Variants in GNAI1 observed in about 807,000 individuals in gnomAD.
The protein encoded by GNAI1 is guanine nucleotide-binding protein G(i) subunit alpha-1.
Under a neutral mutation model 38.9 loss-of-function variants are expected in GNAI1, and 11 were observed. The observed-to-expected ratio is 0.28, with a 90% CI of 0.18 to 0.47. The LOEUF (loss-of-function observed/expected upper bound fraction) is 0.47, where lower values mean the gene tolerates loss of function less well. GNAI1 is among the 20% of genes least tolerant of loss of function. The pLI, the probability that GNAI1 is intolerant of heterozygous loss-of-function variation, is 0.99. For missense variants in GNAI1, 317 were observed against 436.9 expected, an observed-to-expected ratio of 0.73 and a Z score of 2.45; for synonymous variants, 166 against 145.1, an observed-to-expected ratio of 1.14 and a Z score of -1.04.
chr7:80,215,167 A>G (rs77886007), intron 7 of GNAI1, among the ~76,000 whole-genome samples: 1,981 of 152,250 alleles, frequency 0.013, 49 homozygotes, highest in African/African-American at 0.044. Flanking sequence ...AAAACAATCT[A>G]TCATATTTGC....
At chr7:80,156,042 C>CAAAAA (rs1182960135) in intron 1 of GNAI1, among the ~76,000 whole-genome samples, 39 of 68,320 alleles carry the variant, frequency 5.7e-4, no homozygotes, top group African/African-American at 1.1e-3. Flanking sequence ...GACTCTGTCT[C>CAAAAA]AAAAAAAAAA....
At chr7:80,196,430 A>G (rs140476763) in intron 3 of GNAI1, among the ~76,000 whole-genome samples, 3 of 152,008 alleles carry the variant, frequency 2.0e-5, no homozygotes, top group East Asian at 1.9e-4. Flanking sequence ...GTATCACACT[A>G]TTTTGGTACA....
intron 1 of GNAI1, among the ~76,000 whole-genome samples, chr7:80,167,343 T>C (rs914159827): frequency 3.9e-5 from 6 of 152,206 alleles, no homozygotes; most frequent in African/African-American, 7.2e-5. Context: ...AGGTTCACTT[T>C]TCTGTGCTTA....
intron 6 of GNAI1, among the ~76,000 whole-genome samples, chr7:80,211,786 A>G (rs182933133): frequency 1.3e-5 from 2 of 152,298 alleles, no homozygotes; most frequent in Admixed American, 1.3e-4. Flanking sequence ...TCAGTGTACC[A>G]TTAATATGGG....
At chr7:80,193,712 C>T (rs1788519791) in intron 3 of GNAI1, among the ~76,000 whole-genome samples, 1 of 152,068 alleles carries the variant, frequency 6.6e-6, no homozygotes, top group Admixed American at 6.6e-5. Flanking sequence ...TAAATGTAAG[C>T]ATTGGGTTTA....
In GNAI1 at chr7:80,221,951, TTAGTTCTTTTC is replaced by T. The variant is rs1186328429; in HGVS notation, c.*4459_*4469del. ...CACTGCGCCCAGCCAGTTTTCTTTT[TTAGTTCTTTTC>T]AAAACCCTTTCTTAACAGTTGAAAT... On this transcript the variant is annotated 3_prime_UTR_variant, in exon 8 of 8. Coordinates refer to ENST00000649796, the MANE Select transcript of GNAI1 (RefSeq NM_002069.6). Among the ~76,000 whole-genome samples the T allele has an allele frequency of 6.6e-6, 1 of 152,122 alleles. No individual in the cohort carries two copies. The highest frequency in any genetic ancestry group is 2.4e-5 in the African/African-American group (1 of 41,440).
chr7:80,196,931 G>T (rs921350680), intron 3 of GNAI1, among the ~76,000 whole-genome samples: 1 of 151,864 alleles, frequency 6.6e-6, no homozygotes, highest in African/African-American at 2.4e-5. Context: ...GACTAGAAGA[G>T]CAGTTAAAAC....
chr7:80,168,290 GC>G lies in GNAI1; in HGVS notation c.119-20654del, dbSNP rs531337233. Among the ~76,000 whole-genome samples the G allele has an allele frequency of 2.5e-3, 378 of 152,118 alleles. 1 individual carries two copies. Among genetic ancestry groups the G allele is most frequent in the Middle Eastern group, 0.014 (4 of 294 alleles). On this transcript the variant is annotated intron_variant, in intron 1 of 7. Transcript: ENST00000649796. ...TTACTGTGAAATGTATTAGAAACAAGCCCCCCCATGCATACAAAGGCCATAA... is the reference window on the plus strand; with the variant it reads ...TTACTGTGAAATGTATTAGAAACAAGCCCCCCATGCATACAAAGGCCATAA...
At chr7:80,217,242 A>AGTTTCATATGTATGAAACT in intron 7 of GNAI1, 61 bp from the exon 8 acceptor site, 4 of 1,077,340 alleles carry the variant, frequency 3.7e-6, no homozygotes, top group Non-Finnish European at 5.3e-6. Context: ...AACTGAATTC[A>AGTTTCATATGTATGAAACT]GTATTTTAAG....
chr7:80,136,667 C>G (rs531207055), intron 1 of GNAI1, among the ~76,000 whole-genome samples: 1 of 152,214 alleles, frequency 6.6e-6, no homozygotes, highest in East Asian at 1.9e-4. Context: ...GTATGTACTT[C>G]TCTTGTGAAT....
chr7:80,135,599 G>A lies in GNAI1; in HGVS notation c.118+321G>A, dbSNP rs949035566. ...TGGAAACCCTTTGCTTTGAAGTTTAGCTCAGCCTTGTAAAGATGAAGGGGC... is the reference window on the plus strand; with the variant it reads ...TGGAAACCCTTTGCTTTGAAGTTTAACTCAGCCTTGTAAAGATGAAGGGGC... On this transcript the variant is annotated intron_variant, in intron 1 of 7. Coordinates refer to ENST00000649796, the MANE Select transcript of GNAI1 (RefSeq NM_002069.6). 2.2e-4 allele frequency among the ~76,000 whole-genome samples: 33 copies of A among 146,828 alleles called. No individual in the cohort carries two copies. In the Admixed American group the frequency reaches 2.3e-3, roughly 10 times the overall value.
rs901729609 is a variant in GNAI1 at position 80,222,426 on chromosome 7, T to G, written c.*4933T>G. 2.0e-5 allele frequency among the ~76,000 whole-genome samples: 3 copies of G among 151,290 alleles called. No homozygotes were observed. Among genetic ancestry groups the G allele is most frequent in the Non-Finnish European group, 4.4e-5 (3 of 67,864 alleles). ...TCCTGAGACAGAGTTTCGTTCTTGT[T>G]TCCCAGGCTGGAGCGCAATGGTGCG... On this transcript the variant is annotated 3_prime_UTR_variant, in exon 8 of 8. Coordinates refer to ENST00000649796, the MANE Select transcript of GNAI1 (RefSeq NM_002069.6).
chr7:80,175,364 A>ATATG (rs1554349432), intron 1 of GNAI1, among the ~76,000 whole-genome samples: 10 of 150,372 alleles, frequency 6.7e-5, no homozygotes, highest in Admixed American at 2.0e-4. Context: ...GTGTATATTT[A>ATATG]TGTGTGTGTG....
At chr7:80,140,193 C>T (rs1166384633) in intron 1 of GNAI1, among the ~76,000 whole-genome samples, 2 of 151,946 alleles carry the variant, frequency 1.3e-5, no homozygotes, top group African/African-American at 2.4e-5. Flanking sequence ...ACCGTGTTAG[C>T]CCGAGTGGTG....
intron 7 of GNAI1, 52 bp from the exon 8 acceptor site, chr7:80,217,251 A>G (rs1400323053): frequency 8.7e-5 from 40 of 461,380 alleles, no homozygotes; most frequent in Non-Finnish European, 1.1e-4. Flanking sequence ...CAGTATTTTA[A>G]GCAGTTATTT....
intron 5 of GNAI1, among the ~76,000 whole-genome samples, chr7:80,208,124 A>G (rs940366168): frequency 6.6e-6 from 1 of 152,144 alleles, no homozygotes. Flanking sequence ...TAAGGCATAA[A>G]TCATCACTTC....
chr7:80,217,443 G>A lies in GNAI1; in HGVS notation c.1015G>A (p.Val339Ile). 1 of 1,608,240 alleles carries A rather than the reference G, an allele frequency of 6.2e-7. No homozygotes were observed. Residue 339 changes from valine (V) to isoleucine (I), a missense_variant, in exon 8 of 8, where the codon GTA becomes ATA. Physicochemically the swap from Val to Ile is conservative, Grantham distance 29 (BLOSUM62 3). Transcript: ENST00000649796. The stretch of plus-strand genomic sequence containing the variant: ...GAATGTGCAGTTTGTTTTTGATGCT[G>A]TAACAGATGTCATCATAAAAAATAA... ...TKNVQFVFDA[V>I]TDVIIKNNLK... is the part of the protein sequence containing the mutation.
intron 7 of GNAI1, among the ~76,000 whole-genome samples, chr7:80,214,142 A>G (rs1013527882): frequency 2.6e-5 from 4 of 152,186 alleles, no homozygotes; most frequent in African/African-American, 9.7e-5. Context: ...TTTGGTAAAT[A>G]TAATCATGTT....
intron 1 of GNAI1, among the ~76,000 whole-genome samples, chr7:80,184,747 G>A (rs1788360648): frequency 6.6e-6 from 1 of 152,040 alleles, no homozygotes; most frequent in Admixed American, 6.6e-5. Flanking sequence ...GACATTCCTG[G>A]TCAGGTGGAA....
Sources: gnomAD v4.1 joint callset for allele counts (sites outside exome capture counted in the v4.1 genomes callset) on GRCh38, gnomAD v4.1.1 for gene constraint, MANE v1.5 for transcripts, NCBI Gene and HGNC (gene_info 2026-07-23, HGNC 2026-07-21) for gene names.